The following ANAPC10 variants were observed in gnomAD, a reference collection of about 807,000 sequenced individuals.
ANAPC10 encodes anaphase promoting complex subunit 10, also known as anaphase-promoting complex subunit 10.
In ANAPC10, 12 loss-of-function variants were observed where a neutral mutation model predicts 22.0. The observed-to-expected ratio is 0.55, with a 90% CI of 0.35 to 0.88. ANAPC10 has a LOEUF of 0.88. Among genes scored for constraint, ANAPC10 ranks in the 40% least tolerant of loss-of-function variants. ANAPC10 has a pLI of 0.01. For missense variants in ANAPC10, 188 were observed against 220.9 expected (o/e 0.85, Z 0.94); for synonymous variants, 65 against 69.5 (o/e 0.94, Z 0.32).
At chr4:145,085,811 C>T (rs559718017) in intron 2 of ANAPC10, among the ~76,000 whole-genome samples, 1 of 152,078 alleles carries the variant, frequency 6.6e-6, no homozygotes, top group Non-Finnish European at 1.5e-5. Context: ...GTGCCAATCC[C>T]GTCTCAACCT....
chr4:145,004,420 A>T (rs1366083642), intron 4 of ANAPC10, among the ~76,000 whole-genome samples: 2 of 152,104 alleles, frequency 1.3e-5, no homozygotes, highest in Non-Finnish European at 2.9e-5. Context: ...GTTTCGTTCC[A>T]GTTTTCAAGA....
chr4:145,026,920 CATATAT>C (rs150548781), intron 4 of ANAPC10, among the ~76,000 whole-genome samples: 191 of 17,036 alleles, frequency 0.011, 5 homozygotes, highest in African/African-American at 0.021. Flanking sequence ...CCTATACATA[CATATAT>C]ATATATATAT....
chr4:145,040,013 C>A (rs1035959503), intron 4 of ANAPC10, among the ~76,000 whole-genome samples: 47 of 152,124 alleles, frequency 3.1e-4, no homozygotes, highest in Admixed American at 3.3e-4. Flanking sequence ...AAAGCCCATG[C>A]TCTTGGATCT....
Position 144,995,481 on chromosome 4 carries a change from G to T in ANAPC10, c.450C>A (p.Asp150Glu). 6.2e-7 allele frequency: 1 copy of T among 1,613,646 alleles called. No individual in the cohort carries two copies. The highest frequency in any genetic ancestry group is 1.3e-5 in the African/African-American group (1 of 75,002). Residue 150 changes from aspartate (D) to glutamate (E), a missense_variant, in exon 5 of 5, where the codon GAC becomes GAA. Transcript: ENST00000507656. ...AVLANHQNGR[D>E]THMRQIKIYT... ...ATATTTTAATTTGTCTCATATGGGT[G>T]TCTCTTCCATTCTGGTGATTGGCTA...
At chr4:145,055,772 G>A (rs981538771) in intron 4 of ANAPC10, among the ~76,000 whole-genome samples, 1 of 152,094 alleles carries the variant, frequency 6.6e-6, no homozygotes, top group African/African-American at 2.4e-5. Flanking sequence ...GAAACTGGGA[G>A]TTGTTATTTA....
chr4:145,082,736 G>GT (rs2126601955), intron 2 of ANAPC10, among the ~76,000 whole-genome samples: 1 of 152,260 alleles, frequency 6.6e-6, no homozygotes, highest in East Asian at 1.9e-4. Flanking sequence ...ACAATCCTGT[G>GT]TTTTTTCCTG....
At chr4:144,996,680 C>G (rs1016105153) in intron 4 of ANAPC10, among the ~76,000 whole-genome samples, 9 of 152,278 alleles carry the variant, frequency 5.9e-5, no homozygotes, top group Middle Eastern at 3.4e-3. Context: ...ACCTCTTCTC[C>G]TCCAAAGAAA....
intron 4 of ANAPC10, among the ~76,000 whole-genome samples, chr4:145,015,073 T>A (rs570830791): frequency 1.1e-4 from 16 of 151,992 alleles, no homozygotes; most frequent in Admixed American, 5.9e-4. Context: ...CAGCAGTGGA[T>A]CCAAACCAAA....
intron 3 of ANAPC10, among the ~76,000 whole-genome samples, chr4:145,078,825 C>A (rs1339723739): frequency 6.6e-6 from 1 of 152,084 alleles, no homozygotes; most frequent in Non-Finnish European, 1.5e-5. Context: ...GCTAGCCATA[C>A]GCAGAAGATT....
chr4:145,017,958 G>C (rs553646618), intron 4 of ANAPC10, among the ~76,000 whole-genome samples: 1 of 134,198 alleles, frequency 7.5e-6, no homozygotes, highest in African/African-American at 2.8e-5. Context: ...TCACACACCG[G>C]GGCCTGTTGT....
At chr4:145,044,920 A>G (rs1489434929) in intron 4 of ANAPC10, among the ~76,000 whole-genome samples, 4 of 152,078 alleles carry the variant, frequency 2.6e-5, no homozygotes, top group Admixed American at 6.6e-5. Context: ...ATTATGCCAC[A>G]TAAGTTGCAC....
intron 2 of ANAPC10, among the ~76,000 whole-genome samples, chr4:145,093,913 A>G (rs1748091235): frequency 6.6e-6 from 1 of 152,246 alleles, no homozygotes; most frequent in African/African-American, 2.4e-5. Flanking sequence ...GCAATAGGGC[A>G]AAAGAAATAA....
chr4:145,018,624 G>A lies in ANAPC10; in HGVS notation c.328-23021C>T, dbSNP rs571184190. Reference sequence around the variant, plus strand: ...TTGCACTCAGCCTGGGTGACAGAGCGAGACTCCATCTCAAAATCTCGAAAT... The same window carrying A: ...TTGCACTCAGCCTGGGTGACAGAGCAAGACTCCATCTCAAAATCTCGAAAT... On this transcript the variant is annotated intron_variant, in intron 4 of 4. Transcript: ENST00000507656. 1.5e-4 allele frequency among the ~76,000 whole-genome samples: 22 copies of A among 151,046 alleles called. 1 individual carries two copies. The highest frequency in any genetic ancestry group is 8.3e-4 in the South Asian group (4 of 4,796).
Position 145,095,946 on chromosome 4 carries a change from T to A in ANAPC10, c.115+39A>T. On this transcript the variant is annotated intron_variant, in intron 2 of 4. Coordinates refer to ENST00000507656, the MANE Select transcript of ANAPC10 (RefSeq NM_001256706.2). ...GATGCCTGTACAAGGAAACTGCAAGTGACTATTTCCAACAGCTTTTTTGTT... is the reference window on the plus strand; with the variant it reads ...GATGCCTGTACAAGGAAACTGCAAGAGACTATTTCCAACAGCTTTTTTGTT... 16 of 1,613,720 alleles carry A rather than the reference T, an allele frequency of 9.9e-6. No individual in the cohort carries two copies. The South Asian group carries it at 1.8e-4, about 18-fold the overall frequency.
intron 4 of ANAPC10, chr4:145,064,193 G>T (rs1247241418): frequency 6.5e-6 from 1 of 154,280 alleles, no homozygotes; most frequent in East Asian, 1.9e-4. Context: ...ATATCACACT[G>T]GTATTTGGGG....
chr4:145,078,026 A>G (rs1745434928), intron 3 of ANAPC10, among the ~76,000 whole-genome samples: 1 of 152,208 alleles, frequency 6.6e-6, no homozygotes. Flanking sequence ...TAGCCACAGC[A>G]ATCAGGCAAG....
chr4:145,023,855 A>G (rs1479411942), intron 4 of ANAPC10, among the ~76,000 whole-genome samples: 1 of 152,130 alleles, frequency 6.6e-6, no homozygotes, highest in Non-Finnish European at 1.5e-5. Flanking sequence ...TGCCACAATG[A>G]TTGACTCTTC....
intron 2 of ANAPC10, among the ~76,000 whole-genome samples, chr4:145,082,199 G>A (rs1320913264): frequency 6.6e-6 from 1 of 152,170 alleles, no homozygotes; most frequent in Non-Finnish European, 1.5e-5. Context: ...GCCCAAGCTG[G>A]AGTGCAATGG....
At chr4:145,043,027 T>C (rs1235802970) in intron 4 of ANAPC10, among the ~76,000 whole-genome samples, 1 of 151,780 alleles carries the variant, frequency 6.6e-6, no homozygotes, top group Non-Finnish European at 1.5e-5. Context: ...AGAAATAAAG[T>C]AATGTTCCAA....
Sources: gnomAD v4.1 joint callset for allele counts (sites outside exome capture counted in the v4.1 genomes callset) on GRCh38, gnomAD v4.1.1 for gene constraint, MANE v1.5 for transcripts, NCBI Gene and HGNC (gene_info 2026-07-23, HGNC 2026-07-21) for gene names.